MYO3B: variants seen among roughly 807,000 people sequenced by gnomAD.
The protein encoded by MYO3B is myosin IIIB.
In MYO3B, 156 loss-of-function variants were observed where a neutral mutation model predicts 174.6. That is an observed-to-expected ratio of 0.89 (90% CI 0.78 to 1.02). MYO3B has a LOEUF of 1.02. Among genes scored for constraint, MYO3B ranks in the 50% least tolerant of loss-of-function variants. The pLI is 0.00. For missense variants in MYO3B, 1,632 were observed against 1,639.4 expected, an observed-to-expected ratio of 1.00 and a Z score of 0.08; for synonymous variants, 563 against 569.1, an observed-to-expected ratio of 0.99 and a Z score of 0.15.
intron 32 of MYO3B, among the ~76,000 whole-genome samples, chr2:170,636,348 T>TAACA (rs1697471902): frequency 6.6e-6 from 1 of 151,766 alleles, no homozygotes; most frequent in Admixed American, 6.6e-5. Context: ...ACGCTGGAAA[T>TAACA]AACATAACTG....
At position 170,485,360 on chromosome 2, in the gene MYO3B, T is replaced by C. The variant is rs903194897; in HGVS notation, c.3015-13232T>C. ...GCCCAATGATGCCCCCTCTCTAAAGTAGCTTTAGTAGTTTTATCCTTTCAG... is the reference window on the plus strand; with the variant it reads ...GCCCAATGATGCCCCCTCTCTAAAGCAGCTTTAGTAGTTTTATCCTTTCAG... On this transcript the variant is annotated intron_variant, in intron 25 of 34. Transcript: ENST00000408978. Among the ~76,000 whole-genome samples, 10 of 150,502 alleles carry C rather than the reference T, an allele frequency of 6.6e-5. No homozygotes were observed. The East Asian group carries it at 1.4e-3, about 21-fold the overall frequency.
At chr2:170,179,324 A>T (rs1329617754) in intron 1 of MYO3B, among the ~76,000 whole-genome samples, 1 of 152,224 alleles carries the variant, frequency 6.6e-6, no homozygotes, top group Non-Finnish European at 1.5e-5. Flanking sequence ...GCTATACTTG[A>T]ACAGGCCCTA....
chr2:170,344,410 G>A (rs1308686966), intron 8 of MYO3B: 1 of 144,212 alleles, frequency 6.9e-6, no homozygotes, highest in African/African-American at 2.6e-5. Context: ...GGGTTGCAGT[G>A]AGCCGAGATC....
intron 32 of MYO3B, among the ~76,000 whole-genome samples, chr2:170,646,084 C>G (rs1407603496): frequency 6.6e-6 from 1 of 152,020 alleles, no homozygotes; most frequent in Non-Finnish European, 1.5e-5. Flanking sequence ...CCAGCCTGAC[C>G]AACATGGAGA....
chr2:170,381,322 A>G (rs2094334012), intron 9 of MYO3B, among the ~76,000 whole-genome samples: 1 of 152,162 alleles, frequency 6.6e-6, no homozygotes, highest in African/African-American at 2.4e-5. Context: ...TTAATGAAAA[A>G]AGTAAGCTTA....
chr2:170,487,871 C>T (rs890044279), intron 25 of MYO3B, among the ~76,000 whole-genome samples: 1 of 152,168 alleles, frequency 6.6e-6, no homozygotes. Context: ...CCATCTCCCA[C>T]GCTAATACAA....
chr2:170,190,884 C>T (rs556437943), intron 1 of MYO3B, among the ~76,000 whole-genome samples: 1 of 151,820 alleles, frequency 6.6e-6, no homozygotes, highest in African/African-American at 2.4e-5. Context: ...GACAAAGTGT[C>T]CTTTACTCTT....
In MYO3B at chr2:170,331,460, G is replaced by A. The variant is rs577832028; in HGVS notation, c.750-3925G>A. ...GTAACTGGACTAGGATGTGAAAGAG[G>A]GGACAGGTTATGAGTAGGGGATTTA... On this transcript the variant is annotated intron_variant, in intron 7 of 34. Transcript: ENST00000408978. Among the ~76,000 whole-genome samples, 4 of 152,236 alleles carry A rather than the reference G, an allele frequency of 2.6e-5. No individual in the cohort carries two copies. The South Asian group carries it at 8.3e-4, about 32-fold the overall frequency.
At chr2:170,513,373 G>C (rs1215947753) in intron 28 of MYO3B, among the ~76,000 whole-genome samples, 1 of 152,176 alleles carries the variant, frequency 6.6e-6, no homozygotes, top group Non-Finnish European at 1.5e-5. Flanking sequence ...CCAGTCTCCT[G>C]TTGGTTCCTG....
At chr2:170,501,492 A>G (rs186194624) in intron 27 of MYO3B, among the ~76,000 whole-genome samples, 35 of 152,320 alleles carry the variant, frequency 2.3e-4, no homozygotes, top group African/African-American at 8.4e-4. Flanking sequence ...ATGACAGGAA[A>G]CCATCTCACC....
chr2:170,563,097 T>TTC (rs372040060), intron 32 of MYO3B, among the ~76,000 whole-genome samples: 1,186 of 100,466 alleles, frequency 0.012, 39 homozygotes, highest in East Asian at 0.11. Context: ...CATACACTCT[T>TTC]TCTCTCTCTC....
intron 7 of MYO3B, among the ~76,000 whole-genome samples, chr2:170,306,610 G>A (rs565932564): frequency 6.6e-6 from 1 of 152,284 alleles, no homozygotes; most frequent in East Asian, 1.9e-4. Context: ...TTTTCAAAAT[G>A]TCCTTGTCAA....
At chr2:170,608,223 C>T (rs1340124063) in intron 32 of MYO3B, among the ~76,000 whole-genome samples, 1 of 152,210 alleles carries the variant, frequency 6.6e-6, no homozygotes, top group Non-Finnish European at 1.5e-5. Context: ...AGAATAGTTA[C>T]AGACGTCAGA....
At chr2:170,590,217 AC>A (rs1693736894) in intron 32 of MYO3B, among the ~76,000 whole-genome samples, 1 of 152,220 alleles carries the variant, frequency 6.6e-6, no homozygotes, top group African/African-American at 2.4e-5. Context: ...TGTTACAGTT[AC>A]TTTCTCTAAA....
rs1354322640 is a variant in MYO3B at position 170,443,953 on chromosome 2, G to C, written c.2651-14G>C. The C allele has an allele frequency of 6.2e-7, 1 of 1,600,430 alleles. No homozygotes were observed. Among genetic ancestry groups the C allele is most frequent in the East Asian group, 2.2e-5 (1 of 44,796 alleles). On this transcript the variant is annotated splice_polypyrimidine_tract_variant and intron_variant, in intron 22 of 34. Coordinates refer to ENST00000408978, the MANE Select transcript of MYO3B (RefSeq NM_138995.5). ...TTTTCCTTTAATTTATGTTCTTTGT[G>C]GTCTCTTTCTCAGGTAATTTGGCCC...
At chr2:170,441,763 G>A (rs2094802593) in intron 22 of MYO3B, among the ~76,000 whole-genome samples, 1 of 152,214 alleles carries the variant, frequency 6.6e-6, no homozygotes, top group African/African-American at 2.4e-5. Flanking sequence ...GCATGCTAAT[G>A]CATTATAATT....
chr2:170,360,802 G>C (rs776821657), intron 8 of MYO3B, among the ~76,000 whole-genome samples: 1 of 152,206 alleles, frequency 6.6e-6, no homozygotes, highest in Non-Finnish European at 1.5e-5. Flanking sequence ...CTTCCACTGT[G>C]TGAAGACACA....
chr2:170,622,110 C>T (rs762022670), intron 32 of MYO3B, among the ~76,000 whole-genome samples: 9 of 152,180 alleles, frequency 5.9e-5, no homozygotes, highest in Non-Finnish European at 1.2e-4. Flanking sequence ...AATCTTACAT[C>T]CTTTACTTAT....
chr2:170,532,305 A>G (rs1170911161), intron 30 of MYO3B, among the ~76,000 whole-genome samples: 2 of 152,234 alleles, frequency 1.3e-5, no homozygotes, highest in Non-Finnish European at 2.9e-5. Flanking sequence ...ATGAAAGGGA[A>G]CTAAAAGAAC....
Sources: allele counts gnomAD v4.1 joint callset (sites outside exome capture counted in the v4.1 genomes callset), GRCh38; gene constraint gnomAD v4.1.1; transcripts MANE v1.5; gene names NCBI Gene and HGNC (gene_info 2026-07-23, HGNC 2026-07-21).